The following LDLRAD3 variants were observed in gnomAD, a reference collection of about 807,000 sequenced individuals.
The protein encoded by LDLRAD3 is low-density lipoprotein receptor class A domain-containing protein 3.
LDLRAD3 carries 20 observed loss-of-function variants against 29.4 expected under a neutral mutation model. The ratio of observed to expected loss-of-function variants is 0.68; its 90% CI spans 0.48 to 0.99. LDLRAD3 has a LOEUF of 0.99. Among genes scored for constraint, LDLRAD3 ranks in the 50% least tolerant of loss-of-function variants. The probability of loss-of-function intolerance (pLI) is 0.00; values close to 1 mark genes in which losing one functional copy is unlikely to be tolerated. For synonymous variants in LDLRAD3, 157 were observed against 192.7 expected, an observed-to-expected ratio of 0.81 and a Z score of 1.53; for missense variants, 420 against 454.3, an observed-to-expected ratio of 0.92 and a Z score of 0.69.
At chr11:36,059,859 A>G (rs1426418766) in intron 2 of LDLRAD3, among the ~76,000 whole-genome samples, 3 of 152,242 alleles carry the variant, frequency 2.0e-5, no homozygotes, top group Admixed American at 1.3e-4. Context: ...GGCTCTATCC[A>G]CCCATGCTTA....
chr11:36,158,076 T>G (rs758593705), intron 4 of LDLRAD3, among the ~76,000 whole-genome samples: 7 of 152,204 alleles, frequency 4.6e-5, no homozygotes, highest in Non-Finnish European at 7.3e-5. Flanking sequence ...TCTATTCCCT[T>G]CTTTTCGTTT....
At chr11:36,048,656 C>T (rs1852486994) in intron 2 of LDLRAD3, among the ~76,000 whole-genome samples, 1 of 152,188 alleles carries the variant, frequency 6.6e-6, no homozygotes, top group South Asian at 2.1e-4. Context: ...GTTAAGTCTC[C>T]TGTCACATAT....
chr11:36,178,166 G>GT (rs1242098777), intron 4 of LDLRAD3, among the ~76,000 whole-genome samples: 1 of 152,136 alleles, frequency 6.6e-6, no homozygotes, highest in Non-Finnish European at 1.5e-5. Flanking sequence ...CCTATTTTCA[G>GT]TTTTTTGATG....
rs546300586 is a variant in LDLRAD3 at position 35,956,893 on chromosome 11, G to A, written c.46+12749G>A. ...TGGGACTACAGGCGCCCGCCACTAC[G>A]CCCGGCTAATTTTTTGTATTTTCAG... On this transcript the variant is annotated intron_variant, in intron 1 of 5. Transcript: ENST00000315571. Among the ~76,000 whole-genome samples the A allele has an allele frequency of 1.4e-3, 217 of 152,018 alleles. 1 individual carries two copies. The highest frequency in any genetic ancestry group is 4.8e-3 in the African/African-American group (200 of 41,446).
intron 1 of LDLRAD3, among the ~76,000 whole-genome samples, chr11:35,970,596 T>G (rs1346282894): frequency 2.0e-5 from 3 of 152,258 alleles, no homozygotes; most frequent in Non-Finnish European, 4.4e-5. Context: ...GGAATTAGTA[T>G]AGTTAGAACT....
intron 2 of LDLRAD3, among the ~76,000 whole-genome samples, chr11:36,056,789 A>G (rs959658985): frequency 6.6e-6 from 1 of 152,216 alleles, no homozygotes; most frequent in Non-Finnish European, 1.5e-5. Flanking sequence ...AGCAGCAAGC[A>G]TTCTCAGGGC....
At chr11:36,130,901 T>A (rs1290840623) in intron 4 of LDLRAD3, among the ~76,000 whole-genome samples, 1 of 152,148 alleles carries the variant, frequency 6.6e-6, no homozygotes, top group Admixed American at 6.5e-5. Context: ...CACTATCTCT[T>A]TCATGGACTG....
In LDLRAD3 at chr11:36,094,709, G is replaced by C. The variant is rs376691547; in HGVS notation, c.320-3618G>C. Among the ~76,000 whole-genome samples the C allele has an allele frequency of 1.9e-4, 29 of 152,072 alleles. 1 individual carries two copies. In the South Asian group the frequency reaches 6.0e-3, roughly 32 times the overall value. On this transcript the variant is annotated intron_variant, in intron 3 of 5. Coordinates refer to ENST00000315571, the MANE Select transcript of LDLRAD3 (RefSeq NM_174902.4). ...CGCCACTACCACCCAGCTAATTTTT[G>C]TATTTTTAGTAGAGGCAGGGTTTCA... is the stretch of plus-strand genomic sequence containing the variant.
At chr11:36,084,048 A>G (rs1159917181) in intron 3 of LDLRAD3, among the ~76,000 whole-genome samples, 1 of 151,982 alleles carries the variant, frequency 6.6e-6, no homozygotes, top group Non-Finnish European at 1.5e-5. Flanking sequence ...CCTTGTGAGT[A>G]GCTGGGATCA....
Position 36,231,684 on chromosome 11 carries a change from G to T in LDLRAD3, c.*2287G>T, listed in dbSNP as rs774636012. ...ACAGGGACATTTTTATTATAGATTT[G>T]ATTTTTTTAATGAATGTTTTTAAAA... On this transcript the variant is annotated 3_prime_UTR_variant, in exon 6 of 6. Transcript: ENST00000315571. 6.6e-6 allele frequency: 1 copy of T among 151,756 alleles called. No homozygotes were observed. Among genetic ancestry groups the T allele is most frequent in the African/African-American group, 2.4e-5 (1 of 41,302 alleles). The allele number at this position is 151,756 out of a possible 1,614,324, so 9.4% of individuals were successfully genotyped here.
At chr11:35,973,176 TTTTG>T (rs1565134521) in intron 1 of LDLRAD3, among the ~76,000 whole-genome samples, 5 of 151,070 alleles carry the variant, frequency 3.3e-5, no homozygotes, top group African/African-American at 7.3e-5. Context: ...GTTTTGTTTT[TTTTG>T]ATTATTGTTG....
chr11:35,984,989 A>C (rs1317448422), intron 1 of LDLRAD3, among the ~76,000 whole-genome samples: 1 of 149,278 alleles, frequency 6.7e-6, no homozygotes, highest in East Asian at 2.0e-4. Context: ...CAGTGGCATG[A>C]ACATAGCTCA....
At chr11:36,135,861 G>T (rs1853996941) in intron 4 of LDLRAD3, among the ~76,000 whole-genome samples, 1 of 152,164 alleles carries the variant, frequency 6.6e-6, no homozygotes. Context: ...AGTGAGCCGA[G>T]ATAGCACCAC....
At chr11:36,089,792 T>G (rs1407143764) in intron 3 of LDLRAD3, among the ~76,000 whole-genome samples, 4 of 151,224 alleles carry the variant, frequency 2.6e-5, no homozygotes, top group Admixed American at 6.6e-5. Context: ...TTTTTTTTTT[T>G]GTAGAGAAGG....
chr11:36,202,044 CTTTT>C (rs11336380), intron 4 of LDLRAD3, among the ~76,000 whole-genome samples: 1 of 136,586 alleles, frequency 7.3e-6, no homozygotes. Flanking sequence ...CTGGGGACAT[CTTTT>C]TTTTTTTTTT....
intron 4 of LDLRAD3, among the ~76,000 whole-genome samples, chr11:36,123,950 C>T (rs1468227354): frequency 1.3e-5 from 2 of 152,296 alleles, no homozygotes; most frequent in East Asian, 1.9e-4. Flanking sequence ...TCAGCGCATC[C>T]GAGTGAAGCC....
intron 1 of LDLRAD3, among the ~76,000 whole-genome samples, chr11:36,000,703 C>T (rs1851812760): frequency 6.6e-6 from 1 of 152,094 alleles, no homozygotes; most frequent in Non-Finnish European, 1.5e-5. Flanking sequence ...AGTAGGAAGG[C>T]AGGTGGAACC....
chr11:36,232,015 G>T lies in LDLRAD3; in HGVS notation c.*2618G>T, dbSNP rs1199119347. On this transcript the variant is annotated 3_prime_UTR_variant, in exon 6 of 6. Coordinates refer to ENST00000315571, the MANE Select transcript of LDLRAD3 (RefSeq NM_174902.4). Reference sequence around the variant, plus strand: ...AAAATGCAACTAAGTGGTTAATAGTGTGTGACGCTCAAAGTTAATGTAAAC... The same window carrying T: ...AAAATGCAACTAAGTGGTTAATAGTTTGTGACGCTCAAAGTTAATGTAAAC... 1 of 152,182 alleles carries T rather than the reference G, an allele frequency of 6.6e-6. No individual in the cohort carries two copies. The highest frequency in any genetic ancestry group is 1.5e-5 in the Non-Finnish European group (1 of 68,026). The allele number at this position is 152,182 out of a possible 1,614,324, so 9.4% of individuals were successfully genotyped here.
rs111836027 is a variant in LDLRAD3 at position 36,224,646 on chromosome 11, C to T, written c.455-2439C>T. Among the ~76,000 whole-genome samples, 5 of 152,280 alleles carry T rather than the reference C, an allele frequency of 3.3e-5. No homozygotes were observed. In the South Asian group the frequency reaches 6.2e-4, roughly 19 times the overall value. On this transcript the variant is annotated intron_variant, in intron 4 of 5. Coordinates refer to ENST00000315571, the MANE Select transcript of LDLRAD3 (RefSeq NM_174902.4). ...TGAATCATTGAAAGAGTGACCACCACGGACTTGGAGAATCTTTGTAGCTTT... is the reference window on the plus strand; with the variant it reads ...TGAATCATTGAAAGAGTGACCACCATGGACTTGGAGAATCTTTGTAGCTTT...
Sources: gnomAD v4.1 joint callset for allele counts (sites outside exome capture counted in the v4.1 genomes callset) on GRCh38, gnomAD v4.1.1 for gene constraint, MANE v1.5 for transcripts, NCBI Gene and HGNC (gene_info 2026-07-23, HGNC 2026-07-21) for gene names.